Variants in CRYBG1 observed in about 807,000 individuals in gnomAD.
CRYBG1 encodes the protein crystallin beta-gamma domain containing 1.
In CRYBG1, 139 loss-of-function variants were observed where a neutral mutation model predicts 189.2. That is an observed-to-expected ratio of 0.73 (90% confidence interval 0.64 to 0.85). CRYBG1 has a LOEUF of 0.85. CRYBG1 is among the 40% of genes least tolerant of loss of function. The pLI is 0.00. For synonymous variants in CRYBG1, 1,023 were observed against 1,017.1 expected, an observed-to-expected ratio of 1.01 and a Z score of -0.11; for missense variants, 2,611 against 2,675.8, an observed-to-expected ratio of 0.98 and a Z score of 0.53.
intron 1 of CRYBG1, among the ~76,000 whole-genome samples, chr6:106,375,693 G>A (rs900312052): frequency 1.1e-4 from 17 of 152,032 alleles, no homozygotes; most frequent in African/African-American, 4.1e-4. Flanking sequence ...GTTCTTTTAT[G>A]GTTTGAGACT....
At chr6:106,395,207 C>T (rs75265915) in intron 1 of CRYBG1, among the ~76,000 whole-genome samples, 1 of 151,496 alleles carries the variant, frequency 6.6e-6, no homozygotes, top group African/African-American at 2.4e-5. Context: ...TCAGTCTGGG[C>T]AACATGGTAA....
chr6:106,563,658 C>A (rs1448885261), intron 20 of CRYBG1, 106 bp from the exon 21 acceptor site: 1 of 1,191,954 alleles, frequency 8.4e-7, no homozygotes, highest in East Asian at 2.5e-5. Flanking sequence ...GTAAATGAAG[C>A]TAGGAACTAA....
chr6:106,444,256 A>T (rs1000977991), intron 1 of CRYBG1, among the ~76,000 whole-genome samples: 2 of 152,238 alleles, frequency 1.3e-5, no homozygotes, highest in African/African-American at 4.8e-5. Context: ...GCAATCAAAA[A>T]AATCTTCTTT....
chr6:106,379,352 C>T (rs981672849), intron 1 of CRYBG1, among the ~76,000 whole-genome samples: 1 of 151,650 alleles, frequency 6.6e-6, no homozygotes, highest in African/African-American at 2.4e-5. Context: ...ATCTCTGCCT[C>T]CCGGGTTCAT....
At chr6:106,525,516 G>T in intron 6 of CRYBG1, 130 bp downstream of exon 6, 1 of 724,136 alleles carries the variant, frequency 1.4e-6, no homozygotes, top group Non-Finnish European at 2.5e-6. Context: ...ACTACTCGTG[G>T]TAAGATAAGG....
At chr6:106,486,796 A>C (rs1049732342) in intron 2 of CRYBG1, among the ~76,000 whole-genome samples, 2 of 151,850 alleles carry the variant, frequency 1.3e-5, no homozygotes, top group Non-Finnish European at 2.9e-5. Context: ...TTTTATTTTC[A>C]GTATATGTTT....
chr6:106,422,344 A>ATTTATTTATTTATTTATTTTTTTTTTTT (rs57640822), intron 1 of CRYBG1, among the ~76,000 whole-genome samples: 21 of 139,990 alleles, frequency 1.5e-4, no homozygotes, highest in East Asian at 6.6e-4. Context: ...TTATTTATTT[A>ATTTATTTATTTATTTATTTTTTTTTTTT]TTTTTGAGAC....
chr6:106,506,242 C>G (rs1773129629), intron 2 of CRYBG1, among the ~76,000 whole-genome samples: 1 of 152,110 alleles, frequency 6.6e-6, no homozygotes, highest in South Asian at 2.1e-4. Context: ...GTTACTAATT[C>G]TTTAGTAGCA....
At chr6:106,545,583 A>G (rs1770721) in intron 13 of CRYBG1, among the ~76,000 whole-genome samples, 124,711 of 152,246 alleles carry the variant, frequency 0.82, 51,789 homozygotes, top group South Asian at 0.95. Flanking sequence ...ATCAGAACTT[A>G]GTCTCTGTGT....
At chr6:106,439,311 T>C (rs1279890948) in intron 1 of CRYBG1, among the ~76,000 whole-genome samples, 2 of 152,176 alleles carry the variant, frequency 1.3e-5, no homozygotes, top group Non-Finnish European at 2.9e-5. Flanking sequence ...TATGAATTTC[T>C]CATTTTTAGA....
intron 2 of CRYBG1, among the ~76,000 whole-genome samples, chr6:106,466,084 A>G (rs1026151214): frequency 6.6e-5 from 10 of 152,182 alleles, no homozygotes; most frequent in South Asian, 2.1e-4. Context: ...TGACCTTCCT[A>G]TGTTGCTAGC....
At chr6:106,510,661 T>A (rs1773235496) in intron 2 of CRYBG1, among the ~76,000 whole-genome samples, 1 of 152,172 alleles carries the variant, frequency 6.6e-6, no homozygotes, top group African/African-American at 2.4e-5. Context: ...TCCTCGGCTC[T>A]AGGGGGCGGT....
chr6:106,425,783 C>T (rs148499494), intron 1 of CRYBG1, among the ~76,000 whole-genome samples: 1 of 152,246 alleles, frequency 6.6e-6, no homozygotes, highest in East Asian at 1.9e-4. Context: ...AGGTGTGTGC[C>T]ACCACACCTG....
chr6:106,432,583 G>A (rs1359222380), intron 1 of CRYBG1, among the ~76,000 whole-genome samples: 1 of 152,170 alleles, frequency 6.6e-6, no homozygotes, highest in African/African-American at 2.4e-5. Flanking sequence ...TGAGAGTTAA[G>A]GGTGCAAATC....
At chr6:106,438,795 T>A (rs1272051775) in intron 1 of CRYBG1, among the ~76,000 whole-genome samples, 1 of 152,232 alleles carries the variant, frequency 6.6e-6, no homozygotes, top group African/African-American at 2.4e-5. Context: ...TGGTTTGATG[T>A]CAAATATTTT....
chr6:106,538,587 A>T (rs1774056665), intron 8 of CRYBG1, among the ~76,000 whole-genome samples: 1 of 152,150 alleles, frequency 6.6e-6, no homozygotes, highest in Non-Finnish European at 1.5e-5. Context: ...AATGAGAAAA[A>T]TTGCCATCAC....
At chr6:106,427,200 C>A (rs1365463777) in intron 1 of CRYBG1, among the ~76,000 whole-genome samples, 2 of 152,208 alleles carry the variant, frequency 1.3e-5, no homozygotes, top group African/African-American at 2.4e-5. Flanking sequence ...TCTGACTCCA[C>A]GTTTATATCC....
intron 2 of CRYBG1, among the ~76,000 whole-genome samples, chr6:106,493,563 C>G (rs1232577955): frequency 6.6e-6 from 1 of 151,998 alleles, no homozygotes; most frequent in Non-Finnish European, 1.5e-5. Context: ...GCATTATTCA[C>G]AATAGTCAAG....
rs1771853141 is a variant in CRYBG1 at position 106,360,883 on chromosome 6, A to G, written c.-26A>G. The G allele has an allele frequency of 1.3e-6, 2 of 1,511,924 alleles. No homozygotes were observed. The highest frequency in any genetic ancestry group is 5.1e-5 in the East Asian group (2 of 39,550). 93.7% of individuals were successfully genotyped at this position (1,511,924 alleles called of 1,614,324 possible). A position where few individuals can be genotyped will look rare whatever the true frequency, so the allele number is the denominator to read the frequency against. Reference sequence around the variant, plus strand: ...GCGGCAGAGAGGACCGCGTCCCGGCAGTCGGAGCGGGAGGAGGACAAGACG... The same window carrying G: ...GCGGCAGAGAGGACCGCGTCCCGGCGGTCGGAGCGGGAGGAGGACAAGACG... On this transcript the variant is annotated 5_prime_UTR_variant, in exon 1 of 22. Transcript: ENST00000633556.
Sources: allele counts gnomAD v4.1 joint callset (sites outside exome capture counted in the v4.1 genomes callset), GRCh38; gene constraint gnomAD v4.1.1; transcripts MANE v1.5; gene names NCBI Gene and HGNC (gene_info 2026-07-23, HGNC 2026-07-21).